CNDP2: variants seen among roughly 807,000 people sequenced by gnomAD.
The protein encoded by CNDP2 is cytosolic non-specific dipeptidase.
CNDP2 carries 38 observed loss-of-function variants against 55.0 expected under a neutral mutation model. The observed-to-expected ratio is 0.69, with a 90% CI of 0.53 to 0.90. The LOEUF (loss-of-function observed/expected upper bound fraction) is 0.90, where lower values mean the gene tolerates loss of function less well. Ranked by LOEUF, CNDP2 falls within the 40% of genes least tolerant of loss-of-function variation. The pLI is 0.00. For synonymous variants in CNDP2, 241 were observed against 260.2 expected, an observed-to-expected ratio of 0.93 and a Z score of 0.71; for missense variants, 607 against 621.7, an observed-to-expected ratio of 0.98 and a Z score of 0.25.
rs1321456373 is a variant in CNDP2 at position 74,501,244 on chromosome 18, C to A, written c.61-85C>A. ...AACTGCAGCAGCCACAGAGGGTGAG[C>A]CTGGAATGTGGCAACGTTACGGGAG... On this transcript the variant is annotated intron_variant, in intron 2 of 11. Coordinates refer to ENST00000324262, the MANE Select transcript of CNDP2 (RefSeq NM_018235.3). 5 of 1,528,992 alleles carry A rather than the reference C, an allele frequency of 3.3e-6. No homozygotes were observed. The Admixed American group carries it at 1.0e-4, about 31-fold the overall frequency. The allele number at this position is 1,528,992 out of a possible 1,614,324, so 94.7% of individuals were successfully genotyped here.
chr18:74,505,952 AGCCT>A lies in CNDP2; in HGVS notation c.311_314del (p.Pro104GlnfsTer37). 1 of 1,612,714 alleles carries A rather than the reference AGCCT, an allele frequency of 6.2e-7. No homozygotes were observed. Among genetic ancestry groups the A allele is most frequent in the Non-Finnish European group, 8.5e-7 (1 of 1,179,608 alleles). ...TGCATTTACGGGCACCTGGATGTGC[AGCCT>A]GCAGCCCTGGAGGACGGCTGGGACA... On this transcript the variant is annotated frameshift_variant, in exon 4 of 12. Coordinates refer to ENST00000324262, the MANE Select transcript of CNDP2 (RefSeq NM_018235.3). LOFTEE classifies it high-confidence loss of function.
At chr18:74,516,178 G>A in intron 8 of CNDP2, 50 bp from the exon 9 acceptor site, 2 of 1,554,388 alleles carry the variant, frequency 1.3e-6, no homozygotes, top group Non-Finnish European at 8.7e-7. Context: ...GAGCAGACAG[G>A]GCTGGCACTG....
At chr18:74,503,673 G>C (rs769185789) in intron 3 of CNDP2, among the ~76,000 whole-genome samples, 14 of 152,288 alleles carry the variant, frequency 9.2e-5, no homozygotes, top group Non-Finnish European at 1.2e-4. Context: ...CCTGGGACCA[G>C]AGCAGAGAGA....
intron 1 of CNDP2, 70 bp from the exon 2 acceptor site, chr18:74,499,812 T>C: frequency 1.9e-6 from 1 of 522,822 alleles, no homozygotes; most frequent in Non-Finnish European, 3.4e-6. Flanking sequence ...CGTCTCTGGC[T>C]GGGTGTTGCA....
At chr18:74,500,311 TTAAG>T (rs1391899127) in intron 2 of CNDP2, among the ~76,000 whole-genome samples, 1 of 152,264 alleles carries the variant, frequency 6.6e-6, no homozygotes, top group African/African-American at 2.4e-5. Context: ...ATAGTTTGCA[TTAAG>T]TATGTTCTAA....
At chr18:74,501,183 C>G in intron 2 of CNDP2, 146 bp from the exon 3 acceptor site, 1 of 1,405,976 alleles carries the variant, frequency 7.1e-7, no homozygotes, top group Non-Finnish European at 9.3e-7. Flanking sequence ...CCAAAGCACA[C>G]GTGATGGGTC....
intron 9 of CNDP2, chr18:74,517,194 C>T (rs1979726646): frequency 6.6e-6 from 1 of 152,100 alleles, no homozygotes; most frequent in South Asian, 2.1e-4. Flanking sequence ...CTCATTTAAC[C>T]TTTGTCTAAA....
At chr18:74,496,798 C>T (rs145126645) in intron 1 of CNDP2, among the ~76,000 whole-genome samples, 5,945 of 152,248 alleles carry the variant, frequency 0.039, 169 homozygotes, top group Non-Finnish European at 0.062. Flanking sequence ...TTGCGGGGAG[C>T]CGAGCGCTGG....
intron 1 of CNDP2, among the ~76,000 whole-genome samples, 174 bp downstream of exon 1, chr18:74,496,605 G>A (rs910367206): frequency 1.3e-5 from 2 of 152,162 alleles, no homozygotes; most frequent in African/African-American, 4.8e-5. Context: ...CGAGCGCGCG[G>A]TCGGGGGCGG....
At position 74,513,560 on chromosome 18, in the gene CNDP2, C is replaced by T. The variant is rs1979475721; in HGVS notation, c.744C>T (p.Gly248=). 1.2e-6 allele frequency: 2 copies of T among 1,611,548 alleles called. No homozygotes were observed. The highest frequency in any genetic ancestry group is 2.2e-5 in the South Asian group (2 of 90,842). ...GTAACCCTCTCCGGCTTCCCTCAGG[C>T]TCTTTGGTGGACAAGAGGGGGAACA... ...EAMTDLILLM[G]SLVDKRGNIL... The change falls in exon 8 of 12, where the codon GGC becomes GGT. Residue 248 remains glycine, a splice_region_variant and synonymous_variant. Coordinates refer to ENST00000324262, the MANE Select transcript of CNDP2 (RefSeq NM_018235.3).
At chr18:74,512,634 T>A (rs1042274968) in intron 7 of CNDP2, 102 bp downstream of exon 7, 2 of 939,418 alleles carry the variant, frequency 2.1e-6, no homozygotes, top group African/African-American at 3.3e-5. Flanking sequence ...GCATTCCACA[T>A]GAACCAACTT....
chr18:74,518,076 C>CATCCCGGCTAAA (rs761401362), intron 9 of CNDP2: 2 of 154,392 alleles, frequency 1.3e-5, no homozygotes, highest in Admixed American at 6.4e-5. Context: ...AGATCCAGAC[C>CATCCCGGCTAAA]ACGGTGAAAC....
rs1342302811 is a variant in CNDP2 at position 74,519,166 on chromosome 18, C to A, written c.1358+70C>A. On this transcript the variant is annotated intron_variant, in intron 11 of 11. Coordinates refer to ENST00000324262, the MANE Select transcript of CNDP2 (RefSeq NM_018235.3). ...GTCCCTCTCGCCCCTTCCCCTTCCCCCCGTGTGCAGCTGCCAAGAGAAGCA... is the reference window on the plus strand; with the variant it reads ...GTCCCTCTCGCCCCTTCCCCTTCCCACCGTGTGCAGCTGCCAAGAGAAGCA... 1.3e-5 allele frequency: 20 copies of A among 1,513,620 alleles called. No homozygotes were observed. In the East Asian group the frequency reaches 3.0e-4, roughly 23 times the overall value. The allele number at this position is 1,513,620 out of a possible 1,614,324, so 93.8% of individuals were successfully genotyped here.
intron 1 of CNDP2, among the ~76,000 whole-genome samples, chr18:74,498,751 C>T (rs1034145713): frequency 4.6e-5 from 7 of 152,208 alleles, no homozygotes; most frequent in African/African-American, 1.7e-4. Flanking sequence ...ACTTGAGGCT[C>T]CTCCAAATGA....
In CNDP2 at chr18:74,522,157, A is replaced by G. The variant is rs1290020743; in HGVS notation, c.*2089A>G. The G allele has an allele frequency of 3.9e-5, 6 of 152,196 alleles. No homozygotes were observed. Among genetic ancestry groups the G allele is most frequent in the South Asian group, 4.1e-4 (2 of 4,826 alleles). The allele number at this position is 152,196 out of a possible 1,614,324, so 9.4% of individuals were successfully genotyped here. On this transcript the variant is annotated 3_prime_UTR_variant, in exon 12 of 12. Transcript: ENST00000324262. ...GGTGAAGTGTATCTGGGGACCCTCT[A>G]TGGCTTTTGCATCTTTTCTCTAAGT...
Position 74,520,095 on chromosome 18 carries a change from A to G in CNDP2, c.*27A>G, listed in dbSNP as rs373284397. The G allele has an allele frequency of 7.9e-5, 127 of 1,610,828 alleles. No individual in the cohort carries two copies. The African/African-American group carries it at 1.4e-3, about 18-fold the overall frequency. On this transcript the variant is annotated 3_prime_UTR_variant, in exon 12 of 12. Coordinates refer to ENST00000324262, the MANE Select transcript of CNDP2 (RefSeq NM_018235.3). ...CCAAGCCCTCTGTGTGCCATCTCCA[A>G]TGAGAAGGAATCCTGCCCTCACCTC...
At chr18:74,514,545 TA>T (rs1394098334) in intron 8 of CNDP2, among the ~76,000 whole-genome samples, 1 of 138,514 alleles carries the variant, frequency 7.2e-6, no homozygotes, top group Non-Finnish European at 1.6e-5. Context: ...GCTATAGGTT[TA>T]TGTGGTATGG....
chr18:74,518,635 A>G lies in CNDP2; in HGVS notation c.1205A>G (p.Lys402Arg), dbSNP rs1258068918. 1 of 1,614,038 alleles carries G rather than the reference A, an allele frequency of 6.2e-7. No homozygotes were observed. Among genetic ancestry groups the G allele is most frequent in the Non-Finnish European group, 8.5e-7 (1 of 1,180,044 alleles). The change falls in exon 10 of 12, where the codon AAG becomes AGG. Residue 402 changes from lysine (K) to arginine (R), a missense_variant. Coordinates refer to ENST00000324262, the MANE Select transcript of CNDP2 (RefSeq NM_018235.3). Reference sequence around the variant, plus strand: ...TACCTGGCTGGGAGAAGAGCCATGAAGACAGGTTGGACGCTCTCCTTGTGG... The same window carrying G: ...TACCTGGCTGGGAGAAGAGCCATGAGGACAGGTTGGACGCTCTCCTTGTGG... ...PHYLAGRRAM[K>R]TVFGVEPDLT...
At chr18:74,519,475 C>T (rs868680717) in intron 11 of CNDP2, among the ~76,000 whole-genome samples, 7 of 152,192 alleles carry the variant, frequency 4.6e-5, no homozygotes, top group Admixed American at 1.3e-4. Flanking sequence ...CACAACGGGG[C>T]GGGTGCAGCC....
Sources: gnomAD v4.1 joint callset for allele counts (sites outside exome capture counted in the v4.1 genomes callset) on GRCh38, gnomAD v4.1.1 for gene constraint, MANE v1.5 for transcripts, NCBI Gene and HGNC (gene_info 2026-07-23, HGNC 2026-07-21) for gene names.